CYP3A5: variants seen among roughly 807,000 people sequenced by gnomAD.
CYP3A5 encodes the protein cytochrome P450 3A5.
A neutral mutation model predicts 55.9 loss-of-function variants in CYP3A5; 51 were observed. That is an observed-to-expected ratio of 0.91 (90% CI 0.73 to 1.15). The LOEUF (loss-of-function observed/expected upper bound fraction) is 1.15, where lower values mean the gene tolerates loss of function less well. Among genes scored for constraint, CYP3A5 ranks in the 50% most tolerant of loss-of-function variants. CYP3A5 has a pLI of 0.00. For missense variants in CYP3A5, 533 were observed against 596.6 expected (o/e 0.89, Z 1.11); for synonymous variants, 196 against 213.9 (o/e 0.92, Z 0.73).
intron 10 of CYP3A5, chr7:99,660,058 C>G: frequency 3.2e-6 from 1 of 312,004 alleles, no homozygotes; most frequent in Non-Finnish European, 4.7e-6. Context: ...GCTGGGTGCA[C>G]TGCACCCACT....
At chr7:99,672,492 T>C (rs1206591373) in intron 4 of CYP3A5, 88 bp downstream of exon 4, 1 of 1,172,478 alleles carries the variant, frequency 8.5e-7, no homozygotes, top group Non-Finnish European at 1.3e-6. Context: ...ATTTTTTAGG[T>C]AACCTTCTGT....
intron 4 of CYP3A5, 126 bp from the exon 5 acceptor site, chr7:99,667,191 C>A (rs1811111420): frequency 1.4e-6 from 1 of 739,174 alleles, no homozygotes; most frequent in South Asian, 2.1e-5. Context: ...TTATGGCAAG[C>A]CATATTCAAG....
intron 1 of CYP3A5, among the ~76,000 whole-genome samples, chr7:99,679,197 A>G (rs1812585047): frequency 6.6e-6 from 1 of 152,158 alleles, no homozygotes; most frequent in Non-Finnish European, 1.5e-5. Flanking sequence ...TGTGTATGAC[A>G]GGGTGGAGGA....
intron 4 of CYP3A5, chr7:99,671,679 T>C (rs1811645749): frequency 1.6e-6 from 1 of 608,698 alleles, no homozygotes; most frequent in East Asian, 2.8e-5. Flanking sequence ...AGCAAAGGAT[T>C]TTCAGACTTA....
In CYP3A5 at chr7:99,674,532, C is replaced by T. The variant is rs1382315230; in HGVS notation, c.218+1G>A. The T allele has an allele frequency of 6.2e-7, 1 of 1,613,300 alleles. No individual in the cohort carries two copies. The highest frequency in any genetic ancestry group is 2.2e-5 in the East Asian group (1 of 44,860). ...CCAATGGAGGTTTTCAGAATACTCACCCCCACATTTTTCCATACTTTTTAT... is the reference window on the plus strand; with the variant it reads ...CCAATGGAGGTTTTCAGAATACTCATCCCCACATTTTTCCATACTTTTTAT... On this transcript the variant is annotated splice_donor_variant, in intron 3 of 12. Coordinates refer to ENST00000222982, the MANE Select transcript of CYP3A5 (RefSeq NM_000777.5). LOFTEE classifies it high-confidence loss of function.
At chr7:99,677,267 A>G in intron 1 of CYP3A5, 4 of 985,206 alleles carry the variant, frequency 4.1e-6, no homozygotes, top group Non-Finnish European at 4.8e-6. Context: ...CTGAAGGAAG[A>G]GGTTGCCAGA....
At chr7:99,651,403 C>G (rs1271827688) in intron 11 of CYP3A5, among the ~76,000 whole-genome samples, 3 of 152,112 alleles carry the variant, frequency 2.0e-5, no homozygotes, top group Non-Finnish European at 4.4e-5. Flanking sequence ...TTTTTGGTGA[C>G]TGAGTGATTC....
Position 99,665,414 on chromosome 7 carries a change from A to G in CYP3A5, c.522-100T>C, listed in dbSNP as rs917064443. On this transcript the variant is annotated intron_variant, in intron 6 of 12. Transcript: ENST00000222982. ...CCACATATCCAGTCAAGACACATAAAGAGCCACAGACTTTCAGAACTATCT... is the reference window on the plus strand; with the variant it reads ...CCACATATCCAGTCAAGACACATAAGGAGCCACAGACTTTCAGAACTATCT... 2.7e-5 allele frequency: 40 copies of G among 1,478,454 alleles called. No individual in the cohort carries two copies. The Admixed American group carries it at 6.8e-4, about 25-fold the overall frequency. The allele number at this position is 1,478,454 out of a possible 1,614,324, so 91.6% of individuals were successfully genotyped here. A position where few individuals can be genotyped will look rare whatever the true frequency, so the allele number is the denominator to read the frequency against.
At chr7:99,667,754 T>C (rs1260455048) in intron 4 of CYP3A5, among the ~76,000 whole-genome samples, 1 of 152,192 alleles carries the variant, frequency 6.6e-6, no homozygotes, top group Non-Finnish European at 1.5e-5. Flanking sequence ...GCTGTCATGA[T>C]AAAATCTCAA....
At chr7:99,658,011 C>T (rs1809953264) in intron 10 of CYP3A5, among the ~76,000 whole-genome samples, 1 of 152,166 alleles carries the variant, frequency 6.6e-6, no homozygotes, top group South Asian at 2.1e-4. Flanking sequence ...GAATACAGCA[C>T]ACCGATGGGT....
intron 4 of CYP3A5, among the ~76,000 whole-genome samples, chr7:99,667,390 C>T (rs998762388): frequency 1.1e-4 from 16 of 152,162 alleles, no homozygotes; most frequent in Admixed American, 3.3e-4. Context: ...CCTAGCCCTT[C>T]CCCAGGAGTG....
intron 10 of CYP3A5, among the ~76,000 whole-genome samples, chr7:99,654,652 A>C (rs879161467): frequency 6.6e-6 from 1 of 151,934 alleles, no homozygotes; most frequent in East Asian, 1.9e-4. Context: ...CTGAGGAATC[A>C]CCACACTGAC....
intron 1 of CYP3A5, among the ~76,000 whole-genome samples, chr7:99,677,688 TC>T (rs1812422712): frequency 6.6e-6 from 1 of 152,216 alleles, no homozygotes; most frequent in East Asian, 1.9e-4. Context: ...TACATTTGGT[TC>T]CCTGCCCCAG....
At position 99,663,989 on chromosome 7, in the gene CYP3A5, A is replaced by G. The variant is rs1355546883; in HGVS notation, c.777T>C (p.Ser259=). The part of the protein sequence containing the change: ...LSKSVNRMKK[S]RLNDKQKHRL... ...TTACCTTTTGTTTGTCGTTGAGGCGACTTTTCTTCATTCTGTTTACAGATT... is the reference window on the plus strand; with the variant it reads ...TTACCTTTTGTTTGTCGTTGAGGCGGCTTTTCTTCATTCTGTTTACAGATT... Residue 259 remains serine, a synonymous_variant, in exon 8 of 13, where the codon AGT becomes AGC. Transcript: ENST00000222982. 1 of 1,590,276 alleles carries G rather than the reference A, an allele frequency of 6.3e-7. No individual in the cohort carries two copies. The highest frequency in any genetic ancestry group is 1.9e-5 in the Admixed American group (1 of 51,810).
intron 3 of CYP3A5, 175 bp from the exon 4 acceptor site, chr7:99,672,854 C>A (rs1811807293): frequency 2.1e-6 from 3 of 1,415,854 alleles, no homozygotes; most frequent in Middle Eastern, 1.9e-4. Flanking sequence ...AAGAGTCTCA[C>A]ACAGGAGCCA....
rs1330633182 is a variant in CYP3A5, at chr7:99,676,200, G to T, written c.80C>A (p.Thr27Asn). 1 of 1,613,646 alleles carries T rather than the reference G, an allele frequency of 6.2e-7. No individual in the cohort carries two copies. Among genetic ancestry groups the T allele is most frequent in the South Asian group, 1.1e-5 (1 of 91,070 alleles). Residue 27 changes from threonine (T) to asparagine (N), a missense_variant, in exon 2 of 13, where the codon ACC becomes AAC. Coordinates refer to ENST00000222982, the MANE Select transcript of CYP3A5 (RefSeq NM_000777.5). ...TCTCTTAAAAAGTCCATGTGTACGG[G>T]TCCCATATCTACAAAGTGAAACAGA... ...VSLVLLYLYGTRTHGLFKRLG... is the reference protein window; with the variant it reads ...VSLVLLYLYGNRTHGLFKRLG...
chr7:99,652,301 A>T (rs1809270163), intron 11 of CYP3A5: 1 of 270,962 alleles, frequency 3.7e-6, no homozygotes, highest in South Asian at 1.2e-4. Context: ...TTAAAAATCT[A>T]TATAGGCGTA....
Position 99,665,113 on chromosome 7 carries a change from G to A in CYP3A5, c.670+53C>T. 4 of 1,414,972 alleles carry A rather than the reference G, an allele frequency of 2.8e-6. No individual in the cohort carries two copies. In the South Asian group the frequency reaches 3.9e-5, roughly 14 times the overall value. The allele number at this position is 1,414,972 out of a possible 1,614,324, so 87.7% of individuals were successfully genotyped here. A position where few individuals can be genotyped will look rare whatever the true frequency, so the allele number is the denominator to read the frequency against. On this transcript the variant is annotated intron_variant, in intron 7 of 12. Transcript: ENST00000222982. Reference sequence around the variant, plus strand: ...GAATTATACGATATGTGAATTATATGTCAAGAAAGCAGTTATTTTTAAAAA... The same window carrying A: ...GAATTATACGATATGTGAATTATATATCAAGAAAGCAGTTATTTTTAAAAA...
intron 6 of CYP3A5, 129 bp downstream of exon 6, chr7:99,666,472 T>A: frequency 1.0e-6 from 1 of 1,003,304 alleles, no homozygotes; most frequent in East Asian, 2.5e-5. Context: ...GGTGGCTCTT[T>A]GGAGTTGCAG....
Sources: allele counts gnomAD v4.1 joint callset (sites outside exome capture counted in the v4.1 genomes callset), GRCh38; gene constraint gnomAD v4.1.1; transcripts MANE v1.5; gene names NCBI Gene and HGNC (gene_info 2026-07-23, HGNC 2026-07-21).